The following PCDHGA5 variants were observed in gnomAD, a reference collection of about 807,000 sequenced individuals.
PCDHGA5 encodes the protein protocadherin gamma subfamily A, 5.
PCDHGA5 carries 36 observed loss-of-function variants against 56.7 expected under a neutral mutation model. That is an observed-to-expected ratio of 0.64 (90% CI 0.49 to 0.84). The LOEUF (loss-of-function observed/expected upper bound fraction) is 0.84. Among genes scored for constraint, PCDHGA5 ranks in the 40% least tolerant of loss-of-function variants. PCDHGA5 has a pLI of 0.00. For missense variants in PCDHGA5, 1,305 were observed against 1,201.5 expected, an observed-to-expected ratio of 1.09 and a Z score of -1.27; for synonymous variants, 563 against 520.2, an observed-to-expected ratio of 1.08 and a Z score of -1.12.
chr5:141,400,230 G>A, intron 1 of PCDHGA5: 3 of 1,613,992 alleles, frequency 1.9e-6, no homozygotes, highest in Non-Finnish European at 2.5e-6. Flanking sequence ...TCTTCCTCCT[G>A]GCCGTGATTC....
intron 1 of PCDHGA5, among the ~76,000 whole-genome samples, chr5:141,481,241 A>C (rs557107835): frequency 2.0e-5 from 3 of 152,350 alleles, no homozygotes; most frequent in South Asian, 2.1e-4. Flanking sequence ...AGTATTACAT[A>C]GCATAGCTCT....
chr5:141,444,472 C>A (rs559334960), intron 1 of PCDHGA5, among the ~76,000 whole-genome samples: 2 of 151,850 alleles, frequency 1.3e-5, no homozygotes, highest in Non-Finnish European at 2.9e-5. Context: ...CGCCCGGTCG[C>A]GTACTGGATT....
chr5:141,502,864 G>T (rs1595824348), intron 2 of PCDHGA5, among the ~76,000 whole-genome samples: 4 of 61,548 alleles, frequency 6.5e-5, no homozygotes, highest in African/African-American at 2.4e-4. Flanking sequence ...CTGACTCTCT[G>T]TCTTTTTTTT....
intron 1 of PCDHGA5, chr5:141,419,541 G>A: frequency 6.2e-7 from 1 of 1,612,076 alleles, no homozygotes; most frequent in Non-Finnish European, 8.5e-7. Context: ...AACGCACCGC[G>A]GGTGCTGTAC....
intron 1 of PCDHGA5, among the ~76,000 whole-genome samples, chr5:141,402,210 TTAAAA>T (rs1240114840): frequency 6.6e-6 from 1 of 152,008 alleles, no homozygotes; most frequent in African/African-American, 2.4e-5. Context: ...ATACAAAAAT[TTAAAA>T]TAAACGTTTT....
chr5:141,375,163 A>G (rs1313060581), intron 1 of PCDHGA5: 1 of 1,613,892 alleles, frequency 6.2e-7, no homozygotes, highest in South Asian at 1.1e-5. Context: ...CTGAAAGTGC[A>G]CCTCCAGGAA....
Position 141,431,335 on chromosome 5 carries a change from C to G in PCDHGA5, c.2422-63472C>G, listed in dbSNP as rs747132346. On this transcript the variant is annotated intron_variant, in intron 1 of 3. Transcript: ENST00000518069. The surrounding 1 kb of genome is among the most constrained non-coding windows in gnomAD (Gnocchi z 4.8). ...ATGGAGCCGACGGTAGTAAGTACCC[C>G]GAATTGGTGCTGAAACGCGCCCTGG... 2 of 1,614,062 alleles carry G rather than the reference C, an allele frequency of 1.2e-6. No homozygotes were observed. Among genetic ancestry groups the G allele is most frequent in the Non-Finnish European group, 1.7e-6 (2 of 1,180,022 alleles).
At chr5:141,426,423 G>T in intron 1 of PCDHGA5, 1 of 290,954 alleles carries the variant, frequency 3.4e-6, no homozygotes, top group Non-Finnish European at 6.8e-6. Context: ...AGGGCTCCGT[G>T]GTGGGGAACC....
At chr5:141,394,419 G>C in intron 1 of PCDHGA5, 1 of 1,614,224 alleles carries the variant, frequency 6.2e-7, no homozygotes, top group East Asian at 2.2e-5. Context: ...AACAGCCAGC[G>C]ACAGCGGGGA....
At position 141,510,984 on chromosome 5, in the gene PCDHGA5, C is replaced by T. The variant is rs375865663; in HGVS notation, c.2607C>T (p.Ala869=). The change falls in exon 4 of 4, where the codon GCC becomes GCT. Residue 869 remains alanine (A), a synonymous_variant. Coordinates refer to ENST00000518069, the MANE Select transcript of PCDHGA5 (RefSeq NM_018918.3). ...GGAGCTCCACCCTGGGAGGGGGTGC[C>T]GGCACCATGGGATTGAGCGCCCGCT... The part of the protein sequence containing the change: ...ADGSSTLGGG[A]GTMGLSARYG... 20 of 1,614,044 alleles carry T rather than the reference C, an allele frequency of 1.2e-5. No homozygotes were observed. The East Asian group carries it at 1.6e-4, about 13-fold the overall frequency.
At chr5:141,389,910 C>A in intron 1 of PCDHGA5, 3 of 1,614,080 alleles carry the variant, frequency 1.9e-6, no homozygotes, top group Non-Finnish European at 2.5e-6. Flanking sequence ...TATCACTGAC[C>A]GCCCCGACCC....
At chr5:141,376,675 C>CGTTTTTT (rs1773024325) in intron 1 of PCDHGA5, 1 of 343,980 alleles carries the variant, frequency 2.9e-6, no homozygotes, top group African/African-American at 3.4e-5. Context: ...GTGAGGGTAT[C>CGTTTTTT]GTTTTTTTTT....
chr5:141,366,297 C>G lies in PCDHGA5; in HGVS notation c.1967C>G (p.Ala656Gly). The change falls in exon 1 of 4, where the codon GCC (alanine) becomes GGC (glycine). Residue 656 changes from alanine (A) to glycine (G), a missense_variant. Ala to Gly is a moderately conservative substitution (Grantham distance 60). Transcript: ENST00000518069. The stretch of plus-strand genomic sequence containing the variant: ...GACCATGGCCAGCCCCCTCTGTCAG[C>G]CACCTTCACGGTCACCGTTGCCGTG... Reference protein sequence around the residue: ...VEDHGQPPLSATFTVTVAVAD... With the variant: ...VEDHGQPPLSGTFTVTVAVAD... 6.2e-7 allele frequency: 1 copy of G among 1,613,766 alleles called. No homozygotes were observed.
At chr5:141,483,222 C>A (rs1011389295) in intron 1 of PCDHGA5, among the ~76,000 whole-genome samples, 4 of 152,078 alleles carry the variant, frequency 2.6e-5, no homozygotes, top group African/African-American at 9.7e-5. Context: ...ACAGTCACTG[C>A]AGAAATTTGA....
rs200873701 is a variant in PCDHGA5, at chr5:141,375,789, C to T, written c.2421+9038C>T. ...GAGATCCTGTACCCCGCCCTCCCCA[C>T]AGACGGTTCCACTGGCGTGGAGCTG... On this transcript the variant is annotated intron_variant, in intron 1 of 3. Coordinates refer to ENST00000518069, the MANE Select transcript of PCDHGA5 (RefSeq NM_018918.3). The T allele has an allele frequency of 7.9e-5, 128 of 1,614,258 alleles. No individual in the cohort carries two copies. The Middle Eastern group carries it at 1.8e-3, about 23-fold the overall frequency.
intron 1 of PCDHGA5, chr5:141,393,832 T>C (rs953592252): frequency 6.2e-7 from 1 of 1,613,866 alleles, no homozygotes; most frequent in African/African-American, 1.3e-5. Context: ...GTGGAAGATG[T>C]AAATGACAAT....
chr5:141,455,541 A>G (rs2098825752), intron 1 of PCDHGA5, among the ~76,000 whole-genome samples: 1 of 152,134 alleles, frequency 6.6e-6, no homozygotes, highest in African/African-American at 2.4e-5. Context: ...CATATCATTC[A>G]CGTAGCCCGA....
intron 1 of PCDHGA5, chr5:141,393,684 T>C (rs1399508154): frequency 9.9e-6 from 16 of 1,613,904 alleles, no homozygotes; most frequent in Non-Finnish European, 1.3e-5. Flanking sequence ...ACAAACTCCG[T>C]TATTCCAGCT....
chr5:141,404,200 A>C, intron 1 of PCDHGA5: 1 of 1,613,696 alleles, frequency 6.2e-7, no homozygotes, highest in Non-Finnish European at 8.5e-7. Context: ...AAAAAGCCTC[A>C]GAATATAATA....
Sources: gnomAD v4.1 joint callset for allele counts (sites outside exome capture counted in the v4.1 genomes callset) on GRCh38, gnomAD v4.1.1 for gene constraint, Gnocchi (gnomAD v3.1) non-coding constraint, MANE v1.5 for transcripts, NCBI Gene and HGNC (gene_info 2026-07-23, HGNC 2026-07-21) for gene names.